The following CLCN2 variants were observed in gnomAD, a reference collection of about 807,000 sequenced individuals.
CLCN2 encodes chloride channel protein 2.
A neutral mutation model predicts 108.3 loss-of-function variants in CLCN2; 72 were observed. The observed-to-expected ratio is 0.66, with a 90% CI of 0.55 to 0.81. The LOEUF (loss-of-function observed/expected upper bound fraction) is 0.81. CLCN2 is among the 30% of genes least tolerant of loss of function. CLCN2 has a pLI of 0.00. For missense variants in CLCN2, 1,048 were observed against 1,205.2 expected, an observed-to-expected ratio of 0.87 and a Z score of 1.93; for synonymous variants, 471 against 467.1, an observed-to-expected ratio of 1.01 and a Z score of -0.11.
chr3:184,354,007 T>C (rs2108565211), intron 15 of CLCN2, 94 bp downstream of exon 15: 2 of 1,426,368 alleles, frequency 1.4e-6, no homozygotes, highest in South Asian at 1.2e-5. Flanking sequence ...CCCAGCTTCG[T>C]AGGCTCCAGG....
In CLCN2 at chr3:184,353,428, C is replaced by G. The variant is rs959443557; in HGVS notation, c.1856-6G>C. 7 of 1,602,656 alleles carry G rather than the reference C, an allele frequency of 4.4e-6. No individual in the cohort carries two copies. The African/African-American group carries it at 6.7e-5, about 15-fold the overall frequency. ...GCCCAGCAGAATCATGGACTCTGGA[C>G]AGAACAGGTGGAAGGACTCAGGAGC... On this transcript the variant is annotated splice_region_variant and splice_polypyrimidine_tract_variant and intron_variant, in intron 16 of 23. Transcript: ENST00000265593.
In CLCN2 at chr3:184,355,468, A is replaced by G. The variant is rs999686382; in HGVS notation, c.1232T>C (p.Leu411Pro). Residue 411 changes from leucine (L) to proline (P), a missense_variant, in exon 12 of 24, where the codon CTG becomes CCG. By Grantham distance (98) the Leu-to-Pro change is moderately conservative. Transcript: ENST00000265593. This position sits in a 1 kb window ranked among gnomAD's most constrained non-coding sequence, Gnocchi z 6.3. ...FDNRTWVRQG[L>P]VEELEPPSTS... is the part of the protein sequence containing the mutation. ...GCTGGGTGGTTCTAGCTCCTCCACCAGGCCCTGGCGGACCCACGTCCGATT... is the reference window on the plus strand; with the variant it reads ...GCTGGGTGGTTCTAGCTCCTCCACCGGGCCCTGGCGGACCCACGTCCGATT... 6.2e-7 allele frequency: 1 copy of G among 1,613,914 alleles called. No individual in the cohort carries two copies. The highest frequency in any genetic ancestry group is 8.5e-7 in the Non-Finnish European group (1 of 1,179,996).
Position 184,346,633 on chromosome 3 carries a change from A to G in CLCN2, c.2670T>C (p.Pro890=). The change falls in exon 24 of 24, where the codon CCT becomes CCC. Residue 890 remains proline (P), a synonymous_variant. Transcript: ENST00000265593. The surrounding 1 kb of genome is among the most constrained non-coding windows in gnomAD (Gnocchi z 6.0). The stretch of plus-strand genomic sequence containing the variant: ...ATTGGCATTTGTCGTCGCTGTCGGA[A>G]GGGCTGCCCTCCCGGGGGAGGCCAT... The part of the protein sequence containing the change: ...SRHGLPREGS[P]SDSDDKCQ The G allele has an allele frequency of 6.2e-7, 1 of 1,614,098 alleles. No individual in the cohort carries two copies. The highest frequency in any genetic ancestry group is 8.5e-7 in the Non-Finnish European group (1 of 1,180,022).
rs553079976 is a variant in CLCN2, at chr3:184,352,035, A to C, written c.2393T>G (p.Val798Gly). The C allele has an allele frequency of 1.9e-6, 3 of 1,613,360 alleles. No homozygotes were observed. In the South Asian group the frequency reaches 3.3e-5, roughly 18 times the overall value. ...TACCTTGTGCAAAGAGGTCCGCTCC[A>C]CCAGCTGGAAGGGAGCAGGATCAAT... Reference protein sequence around the residue: ...CKIDPAPFQLVERTSLHKTHT... With the variant: ...CKIDPAPFQLGERTSLHKTHT... Residue 798 changes from valine (V) to glycine (G), a missense_variant, in exon 22 of 24, where the codon GTG becomes GGG. Physicochemically the swap from Val to Gly is moderately radical, Grantham distance 109. Coordinates refer to ENST00000265593, the MANE Select transcript of CLCN2 (RefSeq NM_004366.6).
In CLCN2 at chr3:184,352,309, T is replaced by C. The variant is rs1186891303; in HGVS notation, c.2294A>G (p.Glu765Gly). Residue 765 changes from glutamate (E) to glycine (G), a missense_variant, in exon 21 of 24, where the codon GAG (glutamate) becomes GGG (glycine). Transcript: ENST00000265593. ...GCACCTTACCTCTTCAGGGCTCATC[T>C]CGCCTTCCAGGTCCGCGTCACTCTA... is the stretch of plus-strand genomic sequence containing the variant. Reference protein sequence around the residue: ...SLASDADLEGEMSPEEILEWE... With the variant: ...SLASDADLEGGMSPEEILEWE... 25 of 1,613,486 alleles carry C rather than the reference T, an allele frequency of 1.5e-5. No individual in the cohort carries two copies. Among genetic ancestry groups the C allele is most frequent in the Non-Finnish European group, 1.8e-5 (21 of 1,179,992 alleles).
chr3:184,354,671 G>T lies in CLCN2; in HGVS notation c.1397-13C>A. The T allele has an allele frequency of 2.2e-6, 3 of 1,393,816 alleles. No homozygotes were observed. Among genetic ancestry groups the T allele is most frequent in the Non-Finnish European group, 2.9e-6 (3 of 1,020,880 alleles). 86.3% of individuals were successfully genotyped at this position (1,393,816 alleles called of 1,614,324 possible). ...CCAAATGCTGCTCCTTCAGGGAGGG[G>T]GGTGGGAAGAGAAAGAGGCAGTGGA... On this transcript the variant is annotated splice_polypyrimidine_tract_variant and intron_variant, in intron 13 of 23. Transcript: ENST00000265593.
At chr3:184,356,966 C>G in intron 10 of CLCN2, 27 bp downstream of exon 10, 1 of 1,556,540 alleles carries the variant, frequency 6.4e-7, no homozygotes, top group South Asian at 1.1e-5. Context: ...CTCAAAGCAG[C>G]CTGGAGAGGA....
At chr3:184,352,142 T>C in intron 21 of CLCN2, 25 bp from the exon 22 acceptor site, 3 of 1,604,328 alleles carry the variant, frequency 1.9e-6, no homozygotes, top group Non-Finnish European at 2.6e-6. Context: ...CTATGAGGTT[T>C]AGGGAGAAGG....
chr3:184,359,599 C>T (rs1010829496), intron 1 of CLCN2, among the ~76,000 whole-genome samples: 6 of 152,220 alleles, frequency 3.9e-5, no homozygotes, highest in Non-Finnish European at 1.5e-5. Context: ...ATCCTTATCA[C>T]GTTCCTGCTG....
At chr3:184,352,621 A>C in intron 19 of CLCN2, 116 bp downstream of exon 19, 2 of 1,441,364 alleles carry the variant, frequency 1.4e-6, no homozygotes, top group Admixed American at 3.6e-5. Flanking sequence ...GACAGCAGGG[A>C]GGGCCGAAGG....
Position 184,352,750 on chromosome 3 carries a change from T to C in CLCN2, c.2204A>G (p.Glu735Gly). 1.2e-6 allele frequency: 2 copies of C among 1,613,138 alleles called. No homozygotes were observed. The highest frequency in any genetic ancestry group is 2.2e-5 in the South Asian group (2 of 91,080). ...CCAGCCACTCACCTCCGAAGCAGCC[T>C]CAGGGGGTGGACTGCCACAGAAGAG... is the stretch of plus-strand genomic sequence containing the variant. Reference protein sequence around the residue: ...RSLFCGSPPPEAASEKLESCE... With the variant: ...RSLFCGSPPPGAASEKLESCE... The change falls in exon 19 of 24, where the codon GAG (glutamate) becomes GGG (glycine). Residue 735 changes from glutamate to glycine, a missense_variant. Transcript: ENST00000265593.
Position 184,346,881 on chromosome 3 carries a change from A to G in CLCN2, c.2502+54T>C. ...TTCCTCCCCAGGTGAGCTGGACATA[A>G]GCCTCCATGACTTTTTGGAAGTGGA... On this transcript the variant is annotated intron_variant, in intron 23 of 23. Coordinates refer to ENST00000265593, the MANE Select transcript of CLCN2 (RefSeq NM_004366.6). The surrounding 1 kb of genome is among the most constrained non-coding windows in gnomAD (Gnocchi z 6.0). The G allele has an allele frequency of 2.5e-6, 4 of 1,610,836 alleles. No homozygotes were observed. Among genetic ancestry groups the G allele is most frequent in the Non-Finnish European group, 3.4e-6 (4 of 1,176,934 alleles).
At chr3:184,356,656 A>AG in intron 10 of CLCN2, 1 of 253,656 alleles carries the variant, frequency 3.9e-6, no homozygotes, top group Non-Finnish European at 7.6e-6. Flanking sequence ...AAAAAAAAAA[A>AG]AGAGATCTCA....
In CLCN2 at chr3:184,357,426, G is replaced by A. The variant is rs1443725634; in HGVS notation, c.834C>T (p.Gly278=). The change falls in exon 8 of 24, where the codon GGC becomes GGT. Residue 278 remains glycine (G), a synonymous_variant. Coordinates refer to ENST00000265593, the MANE Select transcript of CLCN2 (RefSeq NM_004366.6). ...AGGCACTGAAGGTGGCAGCGAAGAA[G>A]CCCCGCCAGTAGTTCCGCACTGCAA... is the stretch of plus-strand genomic sequence containing the variant. ...TFFAVRNYWR[G]FFAATFSAFI... 2.5e-6 allele frequency: 4 copies of A among 1,614,108 alleles called. No homozygotes were observed. In the South Asian group the frequency reaches 3.3e-5, roughly 13 times the overall value.
intron 22 of CLCN2, 29 bp from the exon 23 acceptor site, chr3:184,347,050 C>G (rs368168830): frequency 1.3e-6 from 2 of 1,586,410 alleles, no homozygotes; most frequent in African/African-American, 2.7e-5. Context: ...AGCGATTGGA[C>G]TTGATGGACG....
intron 3 of CLCN2, 134 bp downstream of exon 3, chr3:184,358,548 C>G: frequency 7.8e-7 from 1 of 1,274,950 alleles, no homozygotes; most frequent in Non-Finnish European, 1.1e-6. Context: ...ATGCCTGAAT[C>G]TGGGCAGTCA....
At chr3:184,351,229 AC>A (rs970003157) in intron 22 of CLCN2, among the ~76,000 whole-genome samples, 1 of 150,722 alleles carries the variant, frequency 6.6e-6, no homozygotes, top group Non-Finnish European at 1.5e-5. Flanking sequence ...CCTCCCCCAA[AC>A]CCCCCAACGC....
In CLCN2 at chr3:184,361,367, G is replaced by A. The variant is rs760205084; in HGVS notation, c.63+50C>T. On this transcript the variant is annotated intron_variant, in intron 1 of 23. Coordinates refer to ENST00000265593, the MANE Select transcript of CLCN2 (RefSeq NM_004366.6). The surrounding 1 kb of genome is among the most constrained non-coding windows in gnomAD (Gnocchi z 6.6). ...TCCTCGCGCTTCCCAGGGTAACCTG[G>A]AGCAGGGGTCCCGGAGCGCACTCCT... 13 of 1,588,678 alleles carry A rather than the reference G, an allele frequency of 8.2e-6. No individual in the cohort carries two copies. Among genetic ancestry groups the A allele is most frequent in the Admixed American group, 6.7e-5 (4 of 59,982 alleles).
intron 22 of CLCN2, among the ~76,000 whole-genome samples, chr3:184,350,350 A>G (rs1057468586): frequency 1.3e-5 from 2 of 152,066 alleles, no homozygotes; most frequent in Admixed American, 1.3e-4. Context: ...TCCTCGCTGC[A>G]TGCCTCAGTT....
Sources: gnomAD v4.1 joint callset for allele counts (sites outside exome capture counted in the v4.1 genomes callset) on GRCh38, gnomAD v4.1.1 for gene constraint, Gnocchi (gnomAD v3.1) non-coding constraint, MANE v1.5 for transcripts, NCBI Gene and HGNC (gene_info 2026-07-23, HGNC 2026-07-21) for gene names.